Variants in HMGCLL1 observed in about 807,000 individuals in gnomAD.
HMGCLL1 encodes 3-hydroxy-3-methylglutaryl-CoA lyase like 1.
In HMGCLL1, 36 loss-of-function variants were observed where a neutral mutation model predicts 39.1. The ratio of observed to expected loss-of-function variants is 0.92; its 90% CI spans 0.71 to 1.22. The LOEUF is 1.22. HMGCLL1 is among the 50% of genes most tolerant of loss of function. The pLI is 0.00. For synonymous variants in HMGCLL1, 149 were observed against 144.0 expected (o/e 1.03, Z -0.25); for missense variants, 451 against 416.5 (o/e 1.08, Z -0.72).
intron 7 of HMGCLL1, among the ~76,000 whole-genome samples, chr6:55,467,823 C>T (rs1764857388): frequency 6.6e-6 from 1 of 151,996 alleles, no homozygotes; most frequent in Admixed American, 6.6e-5. Context: ...CACAGCCTTT[C>T]TCCTTACTAA....
chr6:55,570,683 T>A (rs533016143), intron 1 of HMGCLL1, among the ~76,000 whole-genome samples: 1 of 152,310 alleles, frequency 6.6e-6, no homozygotes, highest in African/African-American at 2.4e-5. Context: ...TGAAATTCAC[T>A]GGACTTTTAC....
chr6:55,495,565 G>A lies in HMGCLL1; in HGVS notation c.649C>T (p.Leu217=), dbSNP rs201330884. 1.8e-5 allele frequency: 29 copies of A among 1,613,052 alleles called. No homozygotes were observed. Among genetic ancestry groups the A allele is most frequent in the Admixed American group, 1.0e-4 (6 of 59,878 alleles). The change falls in exon 7 of 9, where the codon CTA becomes TTA. Residue 217 remains leucine, a synonymous_variant. Coordinates refer to ENST00000274901, the MANE Select transcript of HMGCLL1 (RefSeq NM_001042406.2). The stretch of plus-strand genomic sequence containing the variant: ...GTTCCCACTCCAATTGTGTCTCCTA[G>A]AGAGATCTCATAACAACCCATGCCG... ...LYGMGCYEIS[L]GDTIGVGTPG... is the part of the protein sequence containing the mutation.
At chr6:55,655,269 A>G in the HMGCLL1 span, among the ~76,000 whole-genome samples, 2 of 151,874 alleles carry the variant, frequency 1.3e-5, no homozygotes, top group African/African-American at 4.8e-5. Flanking sequence ...CCAGTGAAAA[A>G]TTACATCAAT....
intron 1 of HMGCLL1, among the ~76,000 whole-genome samples, chr6:55,553,362 CAGG>C (rs1770472263): frequency 6.6e-6 from 1 of 151,484 alleles, no homozygotes; most frequent in African/African-American, 2.4e-5. Context: ...TGCTTGAACC[CAGG>C]AGGCGGAGGT....
At chr6:55,574,061 G>T (rs1479171528) in intron 1 of HMGCLL1, among the ~76,000 whole-genome samples, 1 of 151,808 alleles carries the variant, frequency 6.6e-6, no homozygotes, top group South Asian at 2.1e-4. Context: ...TAATTTTTTA[G>T]ATAAAACTTA....
chr6:55,630,373 T>C, the HMGCLL1 span, among the ~76,000 whole-genome samples: 1 of 152,078 alleles, frequency 6.6e-6, no homozygotes, highest in Non-Finnish European at 1.5e-5. Context: ...CATACCCCTA[T>C]TGTATCTAGG....
intron 3 of HMGCLL1, among the ~76,000 whole-genome samples, chr6:55,522,382 T>C (rs2127442484): frequency 6.6e-6 from 1 of 152,136 alleles, no homozygotes; most frequent in East Asian, 1.9e-4. Context: ...CACCCTTTAC[T>C]TCTCTTCAAA....
chr6:55,624,166 T>G, the HMGCLL1 span, among the ~76,000 whole-genome samples: 1 of 152,142 alleles, frequency 6.6e-6, no homozygotes, highest in Non-Finnish European at 1.5e-5. Flanking sequence ...ATTGTGCAAA[T>G]TAGTGCCACC....
chr6:55,543,037 CAT>C (rs1350433779), intron 1 of HMGCLL1, among the ~76,000 whole-genome samples: 2 of 101,028 alleles, frequency 2.0e-5, no homozygotes, highest in Non-Finnish European at 3.7e-5. Flanking sequence ...TATAATACAT[CAT>C]ATATAATATA....
the HMGCLL1 span, among the ~76,000 whole-genome samples, chr6:55,670,953 G>T: frequency 1.3e-5 from 2 of 151,562 alleles, no homozygotes; most frequent in African/African-American, 4.8e-5. Flanking sequence ...CAGATTAAAA[G>T]TAAAGGAAAT....
chr6:55,510,534 C>T (rs921275667), intron 5 of HMGCLL1, among the ~76,000 whole-genome samples: 3 of 148,744 alleles, frequency 2.0e-5, no homozygotes, highest in South Asian at 2.1e-4. Flanking sequence ...GGTAAACTAT[C>T]GCAAGGACAA....
intron 7 of HMGCLL1, among the ~76,000 whole-genome samples, chr6:55,473,590 C>CT (rs1255633471): frequency 6.6e-6 from 1 of 151,360 alleles, no homozygotes; most frequent in Non-Finnish European, 1.5e-5. Flanking sequence ...TACAATTACC[C>CT]TGTACCTTGT....
chr6:55,461,831 T>C (rs545273882), intron 7 of HMGCLL1, among the ~76,000 whole-genome samples: 25 of 152,292 alleles, frequency 1.6e-4, no homozygotes, highest in Admixed American at 5.9e-4. Context: ...TTCCAAAATA[T>C]ATACCTGTGA....
chr6:55,525,457 G>T (rs1047477249), intron 3 of HMGCLL1, among the ~76,000 whole-genome samples: 3 of 151,890 alleles, frequency 2.0e-5, no homozygotes, highest in Admixed American at 2.0e-4. Flanking sequence ...ATAGCATGGG[G>T]CTCCAAATTT....
the HMGCLL1 span, among the ~76,000 whole-genome samples, chr6:55,647,203 G>A: frequency 2.0e-5 from 3 of 151,516 alleles, no homozygotes; most frequent in Non-Finnish European, 4.4e-5. Flanking sequence ...ATTTTGTGAG[G>A]CATAACTATA....
the HMGCLL1 span, among the ~76,000 whole-genome samples, chr6:55,633,437 G>T: frequency 6.6e-6 from 1 of 151,422 alleles, no homozygotes; most frequent in Non-Finnish European, 1.5e-5. Context: ...CATAACATAG[G>T]ATTAAACATT....
chr6:55,456,344 T>C (rs1405647617), intron 7 of HMGCLL1, among the ~76,000 whole-genome samples: 4 of 152,216 alleles, frequency 2.6e-5, no homozygotes, highest in Non-Finnish European at 5.9e-5. Flanking sequence ...ATGTCATCCT[T>C]ACTTAAAAAT....
chr6:55,583,906 C>T (rs1232059580), upstream of HMGCLL1, among the ~76,000 whole-genome samples: 1 of 152,134 alleles, frequency 6.6e-6, no homozygotes, highest in Non-Finnish European at 1.5e-5. Context: ...TGCTTTCAGT[C>T]TTCTTACGGA....
intron 3 of HMGCLL1, among the ~76,000 whole-genome samples, chr6:55,531,211 G>A (rs948787553): frequency 3.9e-5 from 6 of 152,166 alleles, no homozygotes; most frequent in African/African-American, 1.4e-4. Context: ...ATTTCCCAAA[G>A]TGGATTTCAC....
Sources: gnomAD v4.1 joint callset for allele counts (sites outside exome capture counted in the v4.1 genomes callset) on GRCh38, gnomAD v4.1.1 for gene constraint, MANE v1.5 for transcripts, NCBI Gene and HGNC (gene_info 2026-07-23, HGNC 2026-07-21) for gene names.